The following OSBPL8 variants were observed in gnomAD, a reference collection of about 807,000 sequenced individuals.
OSBPL8 encodes the protein oxysterol-binding protein-related protein 8.
Under a neutral mutation model 125.5 loss-of-function variants are expected in OSBPL8, and 59 were observed. That is an observed-to-expected ratio of 0.47 (90% CI 0.38 to 0.58). The LOEUF (loss-of-function observed/expected upper bound fraction) is 0.58. Ranked by LOEUF, OSBPL8 falls within the 20% of genes least tolerant of loss-of-function variation. The probability of loss-of-function intolerance (pLI) is 0.00; values close to 1 mark genes in which losing one functional copy is unlikely to be tolerated. For missense variants in OSBPL8, 758 were observed against 1,047.8 expected, an observed-to-expected ratio of 0.72 and a Z score of 3.82; for synonymous variants, 330 against 338.9, an observed-to-expected ratio of 0.97 and a Z score of 0.29.
At position 76,469,686 on chromosome 12, in the gene OSBPL8, G is replaced by C. The variant is rs56064608; in HGVS notation, c.43-9791C>G. On this transcript the variant is annotated intron_variant, in intron 2 of 23. Coordinates refer to ENST00000261183, the MANE Select transcript of OSBPL8 (RefSeq NM_020841.5). Reference sequence around the variant, plus strand: ...CAAAACAGCAATCATCCCCTATTTTGTTACTCTCTATCCTTCTTACCCTGC... The same window carrying C: ...CAAAACAGCAATCATCCCCTATTTTCTTACTCTCTATCCTTCTTACCCTGC... Among the ~76,000 whole-genome samples, 347 of 152,082 alleles carry C rather than the reference G, an allele frequency of 2.3e-3. 4 individuals carry two copies. Among genetic ancestry groups the C allele is most frequent in the African/African-American group, 8.1e-3 (336 of 41,486 alleles).
At chr12:76,358,642 T>A in intron 22 of OSBPL8, 64 bp downstream of exon 22, 1 of 1,351,818 alleles carries the variant, frequency 7.4e-7, no homozygotes, top group East Asian at 2.3e-5. Context: ...AAAACCATAT[T>A]CATATCAAAT....
At chr12:76,431,691 G>A (rs985617683) in intron 4 of OSBPL8, among the ~76,000 whole-genome samples, 4 of 152,000 alleles carry the variant, frequency 2.6e-5, no homozygotes, top group Non-Finnish European at 5.9e-5. Flanking sequence ...TAATTCAATA[G>A]GAAGACAGAA....
chr12:76,539,120 T>A (rs1053198037), intron 1 of OSBPL8, among the ~76,000 whole-genome samples: 1 of 149,212 alleles, frequency 6.7e-6, no homozygotes, highest in African/African-American at 2.5e-5. Context: ...TTGAACCACC[T>A]ACCTTAAAAC....
chr12:76,441,474 C>T (rs1872173691), intron 4 of OSBPL8, among the ~76,000 whole-genome samples: 2 of 151,978 alleles, frequency 1.3e-5, no homozygotes, highest in Admixed American at 1.3e-4. Context: ...ACAGAAAGTC[C>T]TCTCTAGGCC....
intron 1 of OSBPL8, among the ~76,000 whole-genome samples, chr12:76,505,922 A>G (rs533694024): frequency 1.6e-4 from 25 of 152,234 alleles, no homozygotes; most frequent in Non-Finnish European, 3.5e-4. Context: ...CTGAGAAATG[A>G]TAAGTTTTTA....
At chr12:76,495,103 T>C (rs555219377) in intron 1 of OSBPL8, among the ~76,000 whole-genome samples, 1 of 152,324 alleles carries the variant, frequency 6.6e-6, no homozygotes, top group South Asian at 2.1e-4. Flanking sequence ...TGGTAAGACA[T>C]CTGCAGAGCA....
intron 4 of OSBPL8, among the ~76,000 whole-genome samples, chr12:76,431,313 AAAC>A (rs1175670873): frequency 2.0e-5 from 3 of 151,970 alleles, no homozygotes; most frequent in Non-Finnish European, 4.4e-5. Flanking sequence ...AACACACAAA[AAAC>A]AAAAAAAACC....
At chr12:76,374,185 A>G (rs1052051133) in intron 17 of OSBPL8, among the ~76,000 whole-genome samples, 1 of 152,206 alleles carries the variant, frequency 6.6e-6, no homozygotes, top group Non-Finnish European at 1.5e-5. Context: ...AAATATTACT[A>G]GTTTACAGAA....
At chr12:76,547,324 C>G (rs1323275338) in intron 1 of OSBPL8, among the ~76,000 whole-genome samples, 1 of 151,978 alleles carries the variant, frequency 6.6e-6, no homozygotes, top group East Asian at 1.9e-4. Flanking sequence ...CAATAGTATT[C>G]TAAGCTCAAT....
intron 4 of OSBPL8, among the ~76,000 whole-genome samples, chr12:76,432,401 G>A (rs1784565368): frequency 2.0e-5 from 3 of 151,928 alleles, no homozygotes; most frequent in Admixed American, 6.6e-5. Context: ...GCAACCCAGC[G>A]GGACCGTGTG....
Position 76,450,983 on chromosome 12 carries a change from C to A in OSBPL8, c.85G>T (p.Val29Leu). 1 of 1,612,466 alleles carries A rather than the reference C, an allele frequency of 6.2e-7. No individual in the cohort carries two copies. The highest frequency in any genetic ancestry group is 8.5e-7 in the Non-Finnish European group (1 of 1,179,394). ...AGCTGAGATTCGTCACTGTTTGCTA[C>A]AACAGCTCAAGGAAAGAAGGGAAAA... ...SKDVLGPSTV[V>L]ANSDESQLLT... Residue 29 changes from valine to leucine, a missense_variant, in exon 4 of 24, where the codon GTA becomes TTA. By Grantham distance (32) the Val-to-Leu change is conservative. Transcript: ENST00000261183.
intron 1 of OSBPL8, among the ~76,000 whole-genome samples, chr12:76,494,167 G>C (rs1488974302): frequency 2.0e-5 from 3 of 152,108 alleles, no homozygotes; most frequent in African/African-American, 7.2e-5. Context: ...TTGATTATTG[G>C]AAAATTATTG....
chr12:76,451,552 AG>A (rs1873417006), intron 3 of OSBPL8, among the ~76,000 whole-genome samples: 2 of 152,230 alleles, frequency 1.3e-5, no homozygotes, highest in Non-Finnish European at 2.9e-5. Flanking sequence ...GAGGCTAAAC[AG>A]TAATAGAGGC....
chr12:76,356,118 G>T, intron 23 of OSBPL8, 97 bp from the exon 24 acceptor site: 2 of 574,954 alleles, frequency 3.5e-6, no homozygotes, highest in Admixed American at 6.5e-5. Context: ...AGCATTTAAT[G>T]TTAATAATTT....
At chr12:76,478,559 A>G (rs1356531940) in intron 2 of OSBPL8, among the ~76,000 whole-genome samples, 1 of 152,146 alleles carries the variant, frequency 6.6e-6, no homozygotes, top group East Asian at 1.9e-4. Flanking sequence ...AATTTACTAC[A>G]GAGTCCAATT....
At chr12:76,405,376 C>T (rs1954214556) in intron 5 of OSBPL8, among the ~76,000 whole-genome samples, 1 of 152,040 alleles carries the variant, frequency 6.6e-6, no homozygotes, top group African/African-American at 2.4e-5. Flanking sequence ...GGAGAATCAC[C>T]CGAGCCTAGG....
At chr12:76,364,644 T>C (rs1025457798) in intron 21 of OSBPL8, among the ~76,000 whole-genome samples, 3 of 152,172 alleles carry the variant, frequency 2.0e-5, no homozygotes, top group Admixed American at 6.5e-5. Context: ...GAACTTAAAG[T>C]ATAATTAAAA....
chr12:76,413,707 T>C (rs944904109), intron 4 of OSBPL8, among the ~76,000 whole-genome samples: 2 of 152,174 alleles, frequency 1.3e-5, no homozygotes, highest in African/African-American at 2.4e-5. Flanking sequence ...TTACTAATGG[T>C]GTTGAGAACT....
Position 76,481,040 on chromosome 12 carries a change from T to C in OSBPL8, c.42+6470A>G, listed in dbSNP as rs1009761369. Among the ~76,000 whole-genome samples the C allele has an allele frequency of 4.6e-5, 7 of 151,700 alleles. No individual in the cohort carries two copies. The East Asian group carries it at 5.8e-4, about 13-fold the overall frequency. ...GGCATGTGATAACAAAAGACAAAGGTTGAAGTGATACAAGGAAGGGGCCAT... is the reference window on the plus strand; with the variant it reads ...GGCATGTGATAACAAAAGACAAAGGCTGAAGTGATACAAGGAAGGGGCCAT... On this transcript the variant is annotated intron_variant, in intron 2 of 23. Transcript: ENST00000261183.
Sources: gnomAD v4.1 joint callset for allele counts (sites outside exome capture counted in the v4.1 genomes callset) on GRCh38, gnomAD v4.1.1 for gene constraint, MANE v1.5 for transcripts, NCBI Gene and HGNC (gene_info 2026-07-23, HGNC 2026-07-21) for gene names.